The following CAMK4 variants were observed in gnomAD, a reference collection of about 807,000 sequenced individuals.
CAMK4 encodes calcium/calmodulin dependent protein kinase IV.
A neutral mutation model predicts 44.9 loss-of-function variants in CAMK4; 22 were observed. The ratio of observed to expected loss-of-function variants is 0.49; its 90% CI spans 0.35 to 0.70. CAMK4 has a LOEUF of 0.70. CAMK4 is among the 30% of genes least tolerant of loss of function. The probability of loss-of-function intolerance (pLI) is 0.01; values close to 1 mark genes in which losing one functional copy is unlikely to be tolerated. For missense variants in CAMK4, 498 were observed against 586.8 expected (o/e 0.85, Z 1.56); for synonymous variants, 218 against 215.4 (o/e 1.01, Z -0.11).
chr5:111,467,754 G>A (rs1754894468), intron 7 of CAMK4, among the ~76,000 whole-genome samples: 1 of 152,098 alleles, frequency 6.6e-6, no homozygotes, highest in South Asian at 2.1e-4. Flanking sequence ...ACTGTTGATG[G>A]GAATGTAAAC....
intron 2 of CAMK4, among the ~76,000 whole-genome samples, chr5:111,362,872 T>C (rs1750648165): frequency 6.6e-6 from 1 of 152,096 alleles, no homozygotes; most frequent in Non-Finnish European, 1.5e-5. Context: ...AAGGATATCA[T>C]AGTTGCTTCT....
chr5:111,486,181 A>G lies in CAMK4; in HGVS notation c.*1715A>G, dbSNP rs2112509393. ...CTCTCTCTACTACTGTTCTCATGGG[A>G]AGAAAACAAGGTAGGACTTCTTATC... On this transcript the variant is annotated 3_prime_UTR_variant, in exon 11 of 11. Transcript: ENST00000282356. 1.3e-5 allele frequency: 2 copies of G among 152,216 alleles called. No individual in the cohort carries two copies. Among genetic ancestry groups the G allele is most frequent in the Middle Eastern group, 6.8e-3 (2 of 294 alleles). 9.4% of individuals were successfully genotyped at this position (152,216 alleles called of 1,614,324 possible).
intron 9 of CAMK4, among the ~76,000 whole-genome samples, chr5:111,481,071 A>G (rs1210650369): frequency 6.6e-6 from 1 of 152,154 alleles, no homozygotes; most frequent in Non-Finnish European, 1.5e-5. Context: ...TGTGATTATA[A>G]CCTTCAGAAA....
chr5:111,420,237 CTCTG>C (rs1313073093), intron 5 of CAMK4, among the ~76,000 whole-genome samples: 4 of 151,992 alleles, frequency 2.6e-5, no homozygotes, highest in African/African-American at 7.2e-5. Flanking sequence ...TAATTTGGCT[CTCTG>C]TCTGTTATTG....
rs73232011 is a variant in CAMK4, at chr5:111,313,362, C to T, written c.162-30662C>T. On this transcript the variant is annotated intron_variant, in intron 1 of 10. Transcript: ENST00000282356. ...TTAAAACTTGAGATGTTTTTTCCCT[C>T]TATTGAACGGTCTGTTAGAAACTCT... Among the ~76,000 whole-genome samples, 534 of 152,162 alleles carry T rather than the reference C, an allele frequency of 3.5e-3. 3 individuals carry two copies. The highest frequency in any genetic ancestry group is 0.012 in the African/African-American group (514 of 41,518).
At chr5:111,380,204 C>A (rs1237965114) in intron 4 of CAMK4, among the ~76,000 whole-genome samples, 1 of 152,008 alleles carries the variant, frequency 6.6e-6, no homozygotes, top group Non-Finnish European at 1.5e-5. Flanking sequence ...TCCTTACTGT[C>A]TTCTAATTAA....
At chr5:111,401,886 G>A (rs1021779662) in intron 5 of CAMK4, among the ~76,000 whole-genome samples, 4 of 152,162 alleles carry the variant, frequency 2.6e-5, no homozygotes, top group Non-Finnish European at 4.4e-5. Context: ...GGCTGGTGTA[G>A]GTGGCTCGGA....
Position 111,395,408 on chromosome 5 carries a change from T to TTTAACTC in CAMK4, c.459+629_459+635dup. On this transcript the variant is annotated intron_variant, in intron 5 of 10. Coordinates refer to ENST00000282356, the MANE Select transcript of CAMK4 (RefSeq NM_001744.6). ...GAGATTTTGGTGCCTTTATTTGTTC[T>TTTAACTC]TTAACTCTTTCTTTCCCATTTCTTG... Among the ~76,000 whole-genome samples, 5 of 151,794 alleles carry TTTAACTC rather than the reference T, an allele frequency of 3.3e-5. 1 individual carries two copies. The highest frequency in any genetic ancestry group is 3.3e-4 in the Admixed American group (5 of 15,242).
At chr5:111,411,165 CTT>C (rs1484507323) in intron 5 of CAMK4, among the ~76,000 whole-genome samples, 3 of 152,172 alleles carry the variant, frequency 2.0e-5, no homozygotes, top group African/African-American at 7.2e-5. Flanking sequence ...CAGGAGGAGA[CTT>C]GTGTGTTCTC....
chr5:111,286,177 G>A (rs1751232587), intron 1 of CAMK4, among the ~76,000 whole-genome samples: 1 of 152,148 alleles, frequency 6.6e-6, no homozygotes, highest in Non-Finnish European at 1.5e-5. Flanking sequence ...TCTAGGTTTT[G>A]TACAGAGCAG....
intron 5 of CAMK4, among the ~76,000 whole-genome samples, chr5:111,432,116 A>G (rs920479113): frequency 1.3e-5 from 2 of 152,210 alleles, no homozygotes; most frequent in South Asian, 2.1e-4. Flanking sequence ...GTGTCTATCA[A>G]CAGATGACTG....
intron 3 of CAMK4, 98 bp downstream of exon 3, chr5:111,375,010 C>T (rs1359499709): frequency 5.2e-6 from 4 of 772,998 alleles, no homozygotes; most frequent in Non-Finnish European, 9.0e-6. Context: ...AAGGGATTCT[C>T]CCACCACTGA....
At chr5:111,419,762 G>A (rs1445252715) in intron 5 of CAMK4, among the ~76,000 whole-genome samples, 17 of 151,924 alleles carry the variant, frequency 1.1e-4, no homozygotes, top group Admixed American at 5.2e-4. Context: ...GTAGATATGC[G>A]GCATTATTTC....
At chr5:111,392,590 AAAAATT>A (rs1371060878) in intron 4 of CAMK4, among the ~76,000 whole-genome samples, 4 of 152,208 alleles carry the variant, frequency 2.6e-5, no homozygotes, top group East Asian at 1.9e-4. Context: ...TAAATGGAAA[AAAAATT>A]AAAATTAAAG....
intron 5 of CAMK4, among the ~76,000 whole-genome samples, chr5:111,443,710 C>T (rs1753928367): frequency 6.6e-6 from 1 of 152,022 alleles, no homozygotes; most frequent in African/African-American, 2.4e-5. Flanking sequence ...ATAATTAGTT[C>T]TTTGCTAAAC....
intron 1 of CAMK4, among the ~76,000 whole-genome samples, chr5:111,298,814 C>G (rs1440295280): frequency 6.6e-6 from 1 of 152,206 alleles, no homozygotes; most frequent in African/African-American, 2.4e-5. Flanking sequence ...AACTACTGCC[C>G]AAGGAGGCAC....
intron 4 of CAMK4, among the ~76,000 whole-genome samples, chr5:111,391,948 C>T (rs1751815804): frequency 6.6e-6 from 1 of 152,170 alleles, no homozygotes; most frequent in African/African-American, 2.4e-5. Context: ...TTGTCACCTA[C>T]TTAAGATAAT....
chr5:111,330,457 C>A (rs1749116528), intron 1 of CAMK4, among the ~76,000 whole-genome samples: 1 of 149,946 alleles, frequency 6.7e-6, no homozygotes, highest in Admixed American at 6.7e-5. Flanking sequence ...AAAATCCTAG[C>A]AGGATCTTTG....
chr5:111,379,872 A>G (rs1231773781), intron 4 of CAMK4, among the ~76,000 whole-genome samples: 1 of 152,144 alleles, frequency 6.6e-6, no homozygotes, highest in Non-Finnish European at 1.5e-5. Flanking sequence ...TCCAAGTAGA[A>G]TCTGCTATTT....
Sources: gnomAD v4.1 joint callset for allele counts (sites outside exome capture counted in the v4.1 genomes callset) on GRCh38, gnomAD v4.1.1 for gene constraint, MANE v1.5 for transcripts, NCBI Gene and HGNC (gene_info 2026-07-23, HGNC 2026-07-21) for gene names.